Variants in GRIK3 observed in about 807,000 individuals in gnomAD.
GRIK3 encodes glutamate receptor ionotropic, kainate 3.
A neutral mutation model predicts 102.5 loss-of-function variants in GRIK3; 29 were observed. The ratio of observed to expected loss-of-function variants is 0.28; its 90% CI spans 0.21 to 0.39. The LOEUF is 0.39. Ranked by LOEUF, GRIK3 falls within the 10% of genes least tolerant of loss-of-function variation. The pLI is 1.00. For synonymous variants in GRIK3, 511 were observed against 504.9 expected (o/e 1.01, Z -0.16); for missense variants, 908 against 1,252.4 (o/e 0.73, Z 4.15).
At chr1:36,879,189 G>C (rs1311522035) in intron 3 of GRIK3, among the ~76,000 whole-genome samples, 1 of 152,102 alleles carries the variant, frequency 6.6e-6, no homozygotes, top group Non-Finnish European at 1.5e-5. Flanking sequence ...TGTAGTGCTT[G>C]CCAAGACCAA....
intron 1 of GRIK3, among the ~76,000 whole-genome samples, chr1:36,948,784 T>TCTCCAGCC (rs569433068): frequency 3.9e-5 from 6 of 152,188 alleles, no homozygotes; most frequent in Admixed American, 3.3e-4. Flanking sequence ...GGCCTCCTTG[T>TCTCCAGCC]CTCCAGCCCT....
intron 10 of GRIK3, among the ~76,000 whole-genome samples, chr1:36,840,095 G>A (rs1411826687): frequency 6.6e-6 from 1 of 152,110 alleles, no homozygotes; most frequent in Non-Finnish European, 1.5e-5. Flanking sequence ...TGGAACACAG[G>A]GCTACGAGGC....
intron 1 of GRIK3, among the ~76,000 whole-genome samples, chr1:37,019,972 G>A (rs1265612972): frequency 6.6e-6 from 1 of 152,084 alleles, no homozygotes; most frequent in Non-Finnish European, 1.5e-5. Flanking sequence ...TTAAATCCTT[G>A]GGGTCCATTT....
rs570960905 is a variant in GRIK3 at position 36,861,346 on chromosome 1, A to G, written c.787-1329T>C. Among the ~76,000 whole-genome samples, 7 of 152,244 alleles carry G rather than the reference A, an allele frequency of 4.6e-5. No homozygotes were observed. In the South Asian group the frequency reaches 8.3e-4, roughly 18 times the overall value. ...TCACTATCTGAGCTCCTCCTCGTCT[A>G]CTGTCTATACTCTCCCACACTCTCC... On this transcript the variant is annotated intron_variant, in intron 5 of 15. Coordinates refer to ENST00000373091, the MANE Select transcript of GRIK3 (RefSeq NM_000831.4).
chr1:36,973,779 T>C (rs1047718049), intron 1 of GRIK3, among the ~76,000 whole-genome samples: 1 of 152,080 alleles, frequency 6.6e-6, no homozygotes, highest in African/African-American at 2.4e-5. Context: ...AAATGAGGCA[T>C]GAAAAATGAT....
intron 9 of GRIK3, among the ~76,000 whole-genome samples, chr1:36,848,136 AT>A (rs1037106878): frequency 7.9e-5 from 12 of 152,176 alleles, no homozygotes; most frequent in Non-Finnish European, 1.8e-4. Flanking sequence ...TGTAGCAAAA[AT>A]CCCCTGTGCC....
At chr1:37,002,000 C>T (rs1163655014) in intron 1 of GRIK3, among the ~76,000 whole-genome samples, 1 of 152,090 alleles carries the variant, frequency 6.6e-6, no homozygotes, top group Admixed American at 6.6e-5. Flanking sequence ...ACCAACTCTG[C>T]CCCTTCCAGC....
chr1:36,842,055 T>A, intron 9 of GRIK3, 116 bp from the exon 10 acceptor site: 2 of 851,814 alleles, frequency 2.3e-6, no homozygotes, highest in Non-Finnish European at 3.9e-6. Context: ...CCCCTTGGAG[T>A]GGCTTAGACA....
At chr1:37,026,605 A>T (rs1339401533) in intron 1 of GRIK3, among the ~76,000 whole-genome samples, 1 of 152,240 alleles carries the variant, frequency 6.6e-6, no homozygotes, top group African/African-American at 2.4e-5. Context: ...CGCTATGCAG[A>T]CAATACTGTA....
intron 1 of GRIK3, among the ~76,000 whole-genome samples, chr1:37,023,124 C>G (rs1046509292): frequency 6.6e-6 from 1 of 151,962 alleles, no homozygotes; most frequent in African/African-American, 2.4e-5. Context: ...GTCAGGAGTT[C>G]GAGACCAGCC....
chr1:36,984,258 G>A (rs766657226), intron 1 of GRIK3, among the ~76,000 whole-genome samples: 5 of 152,076 alleles, frequency 3.3e-5, no homozygotes, highest in East Asian at 3.8e-4. Context: ...ACCCACACAC[G>A]TGCACACTTG....
intron 8 of GRIK3, among the ~76,000 whole-genome samples, chr1:36,851,776 C>G (rs1215190312): frequency 6.6e-6 from 1 of 152,226 alleles, no homozygotes; most frequent in African/African-American, 2.4e-5. Context: ...TGAGTATTAG[C>G]TACGGCCAAT....
chr1:36,885,434 C>T (rs1641027596), intron 2 of GRIK3, among the ~76,000 whole-genome samples: 1 of 152,022 alleles, frequency 6.6e-6, no homozygotes, highest in Non-Finnish European at 1.5e-5. Context: ...GGAGATGATA[C>T]CATTGTTGCT....
At chr1:36,983,905 G>C (rs545652492) in intron 1 of GRIK3, among the ~76,000 whole-genome samples, 1 of 152,294 alleles carries the variant, frequency 6.6e-6, no homozygotes, top group South Asian at 2.1e-4. Context: ...GCCTGCTCTA[G>C]TCTCTGTCTG....
chr1:36,942,591 G>C (rs769662328), intron 1 of GRIK3, among the ~76,000 whole-genome samples: 1 of 151,506 alleles, frequency 6.6e-6, no homozygotes, highest in Non-Finnish European at 1.5e-5. Flanking sequence ...CCCTTTGACC[G>C]CAGGTGGAGG....
rs914795971 is a variant in GRIK3, at chr1:36,810,801, C to G, written c.2092-4475G>C. 2.6e-5 allele frequency among the ~76,000 whole-genome samples: 4 copies of G among 152,316 alleles called. No homozygotes were observed. In the East Asian group the frequency reaches 5.8e-4, roughly 22 times the overall value. ...TTTTCTTGGGTCATTTCTGTGGGGA[C>G]AGGAGGCCTCTTTGGAGTCCATGGC... On this transcript the variant is annotated intron_variant, in intron 13 of 15. Transcript: ENST00000373091.
At chr1:36,889,061 T>C (rs1641073902) in intron 2 of GRIK3, among the ~76,000 whole-genome samples, 3 of 151,950 alleles carry the variant, frequency 2.0e-5, no homozygotes. Context: ...AGTGGAGCAG[T>C]AAAAAGACAC....
intron 1 of GRIK3, among the ~76,000 whole-genome samples, chr1:36,948,255 A>C (rs1641806120): frequency 6.6e-6 from 1 of 152,194 alleles, no homozygotes; most frequent in Admixed American, 6.5e-5. Flanking sequence ...AGCACACTCT[A>C]GGAAGGCTGA....
At chr1:36,804,218 T>C (rs138673444) in intron 15 of GRIK3, among the ~76,000 whole-genome samples, 36 of 152,364 alleles carry the variant, frequency 2.4e-4, no homozygotes, top group African/African-American at 7.9e-4. Flanking sequence ...CTATATATAA[T>C]TTAACTGCAA....
Sources: allele counts gnomAD v4.1 joint callset (sites outside exome capture counted in the v4.1 genomes callset), GRCh38; gene constraint gnomAD v4.1.1; transcripts MANE v1.5; gene names NCBI Gene and HGNC (gene_info 2026-07-23, HGNC 2026-07-21).